Variants in HS3ST5 observed in about 807,000 individuals in gnomAD.
HS3ST5 encodes the protein heparan sulfate glucosamine 3-O-sulfotransferase 5.
Under a neutral mutation model 25.4 loss-of-function variants are expected in HS3ST5, and 10 were observed. The ratio of observed to expected loss-of-function variants is 0.39; its 90% confidence interval spans 0.24 to 0.67. HS3ST5 has a LOEUF of 0.67. HS3ST5 is among the 30% of genes least tolerant of loss of function. The probability of loss-of-function intolerance (pLI) is 0.44; values close to 1 mark genes in which losing one functional copy is unlikely to be tolerated. For synonymous variants in HS3ST5, 170 were observed against 162.4 expected (o/e 1.05, Z -0.36); for missense variants, 324 against 420.7 (o/e 0.77, Z 2.01).
chr6:114,081,826 G>A (rs534502442), intron 3 of HS3ST5, among the ~76,000 whole-genome samples: 32 of 152,032 alleles, frequency 2.1e-4, no homozygotes, highest in South Asian at 1.0e-3. Context: ...CAATACCATC[G>A]CTCACTATTC....
At chr6:114,078,253 C>T (rs953588833) in intron 3 of HS3ST5, among the ~76,000 whole-genome samples, 2 of 151,994 alleles carry the variant, frequency 1.3e-5, no homozygotes. Flanking sequence ...GTCATCCAGG[C>T]TGGAGTACAT....
intron 1 of HS3ST5, among the ~76,000 whole-genome samples, chr6:114,248,716 T>C (rs560170168): frequency 6.6e-6 from 1 of 152,336 alleles, no homozygotes; most frequent in East Asian, 1.9e-4. Flanking sequence ...TTCATGAAGT[T>C]ACAGTCTAAT....
chr6:114,060,666 C>T (rs1357613928), intron 4 of HS3ST5, among the ~76,000 whole-genome samples: 1 of 152,040 alleles, frequency 6.6e-6, no homozygotes, highest in Non-Finnish European at 1.5e-5. Context: ...TTCATAGTAC[C>T]CTGGCTGAGA....
chr6:114,159,582 T>C (rs1166897069), intron 3 of HS3ST5, among the ~76,000 whole-genome samples: 1 of 152,114 alleles, frequency 6.6e-6, no homozygotes, highest in East Asian at 1.9e-4. Context: ...GACACAGAAG[T>C]GTTTGTTGGA....
chr6:114,192,459 C>T (rs1433490033), intron 2 of HS3ST5, among the ~76,000 whole-genome samples: 3 of 152,172 alleles, frequency 2.0e-5, no homozygotes, highest in African/African-American at 7.2e-5. Context: ...ATTTAAGGTG[C>T]ATTCAACTTT....
intron 3 of HS3ST5, among the ~76,000 whole-genome samples, chr6:114,106,492 A>G (rs1052001998): frequency 6.6e-6 from 1 of 152,126 alleles, no homozygotes; most frequent in Non-Finnish European, 1.5e-5. Context: ...GTACAGAGTA[A>G]AAACTACATA....
At chr6:114,161,600 A>C (rs1380164311) in intron 3 of HS3ST5, among the ~76,000 whole-genome samples, 1 of 102,970 alleles carries the variant, frequency 9.7e-6, no homozygotes. Flanking sequence ...GTATGTGTGT[A>C]TGTGTTAGGG....
At chr6:114,326,652 T>TGA (rs1776188356) in intron 1 of HS3ST5, among the ~76,000 whole-genome samples, 1 of 152,194 alleles carries the variant, frequency 6.6e-6, no homozygotes, top group African/African-American at 2.4e-5. Flanking sequence ...ATCATAATAC[T>TGA]TCTTTTTAGT....
chr6:114,191,400 C>T (rs1243284547), intron 2 of HS3ST5, among the ~76,000 whole-genome samples: 6 of 152,068 alleles, frequency 3.9e-5, no homozygotes, highest in Non-Finnish European at 8.8e-5. Flanking sequence ...GAAAATAGGC[C>T]GCTTGCTTTA....
At chr6:114,088,603 C>T (rs984881431) in intron 3 of HS3ST5, among the ~76,000 whole-genome samples, 3 of 152,082 alleles carry the variant, frequency 2.0e-5, no homozygotes, top group African/African-American at 7.2e-5. Flanking sequence ...CTATTTGATA[C>T]ACCTATCTGC....
intron 3 of HS3ST5, among the ~76,000 whole-genome samples, chr6:114,119,072 C>T (rs28714326): frequency 4.9e-4 from 75 of 152,292 alleles, no homozygotes; most frequent in African/African-American, 1.8e-3. Flanking sequence ...CCCTATGAGA[C>T]AATTCACCTG....
intron 1 of HS3ST5, among the ~76,000 whole-genome samples, chr6:114,329,652 G>A (rs1466134033): frequency 1.3e-5 from 2 of 152,180 alleles, no homozygotes; most frequent in African/African-American, 4.8e-5. Context: ...AGCACAGCAG[G>A]AAGTATGAAG....
chr6:114,342,167 C>T (rs1394843030), intron 1 of HS3ST5, 28 bp downstream of exon 1: 1 of 152,316 alleles, frequency 6.6e-6, no homozygotes, highest in African/African-American at 2.4e-5. Flanking sequence ...CCCTCCCCCG[C>T]GCGAGGCGGG....
chr6:114,273,122 T>C (rs1773703516), intron 1 of HS3ST5, among the ~76,000 whole-genome samples: 1 of 152,058 alleles, frequency 6.6e-6, no homozygotes. Flanking sequence ...AAGAAAGATA[T>C]GAAATAATGC....
chr6:114,318,503 T>C (rs1775835169), intron 1 of HS3ST5, among the ~76,000 whole-genome samples: 2 of 152,100 alleles, frequency 1.3e-5, no homozygotes, highest in Admixed American at 6.6e-5. Flanking sequence ...AATAGTAAAA[T>C]ATAGGTCATT....
chr6:114,289,835 C>T (rs915238248), intron 1 of HS3ST5, among the ~76,000 whole-genome samples: 1 of 152,120 alleles, frequency 6.6e-6, no homozygotes, highest in African/African-American at 2.4e-5. Context: ...TCCAAACTAT[C>T]TTCCTATGGG....
intron 2 of HS3ST5, among the ~76,000 whole-genome samples, chr6:114,226,965 A>C (rs77460949): frequency 0.015 from 2,355 of 152,070 alleles, 44 homozygotes; most frequent in Middle Eastern, 0.055. Flanking sequence ...GATTTACACT[A>C]AAAGCTTTAT....
chr6:114,194,321 C>G (rs1006541150), intron 2 of HS3ST5, among the ~76,000 whole-genome samples: 1 of 152,190 alleles, frequency 6.6e-6, no homozygotes, highest in Non-Finnish European at 1.5e-5. Context: ...CTAAGCCCCC[C>G]TCCAACTGGA....
At chr6:114,338,495 G>A (rs929743702) in intron 1 of HS3ST5, among the ~76,000 whole-genome samples, 1 of 151,824 alleles carries the variant, frequency 6.6e-6, no homozygotes, top group Non-Finnish European at 1.5e-5. Context: ...ATAATCTACT[G>A]GACCAATGCC....
Sources: gnomAD v4.1 joint callset for allele counts (sites outside exome capture counted in the v4.1 genomes callset) on GRCh38, gnomAD v4.1.1 for gene constraint, MANE v1.5 for transcripts, NCBI Gene and HGNC (gene_info 2026-07-23, HGNC 2026-07-21) for gene names.